NALF1: variants seen among roughly 807,000 people sequenced by gnomAD.
NALF1 encodes the protein NALCN channel auxiliary factor 1.
In NALF1, 3 loss-of-function variants were observed where a neutral mutation model predicts 48.4. That is an observed-to-expected ratio of 0.06 (90% CI 0.03 to 0.16). The LOEUF (loss-of-function observed/expected upper bound fraction) is 0.16. Among genes scored for constraint, NALF1 ranks in the 10% least tolerant of loss-of-function variants. The pLI is 1.00. For synonymous variants in NALF1, 262 were observed against 245.7 expected (o/e 1.07, Z -0.62); for missense variants, 526 against 571.5 (o/e 0.92, Z 0.81).
chr13:107,577,572 A>G (rs1216304017), intron 1 of NALF1, among the ~76,000 whole-genome samples: 1 of 152,234 alleles, frequency 6.6e-6, no homozygotes, highest in Non-Finnish European at 1.5e-5. Flanking sequence ...AGCGATCTAC[A>G]TATTAACCCT....
chr13:107,229,787 T>A (rs973816650), intron 1 of NALF1, among the ~76,000 whole-genome samples: 1 of 152,224 alleles, frequency 6.6e-6, no homozygotes, highest in African/African-American at 2.4e-5. Flanking sequence ...AATTAAAGTC[T>A]CCCTGGGCTC....
intron 1 of NALF1, among the ~76,000 whole-genome samples, chr13:107,628,061 GATCAGAC>G (rs1879727519): frequency 6.6e-6 from 1 of 152,096 alleles, no homozygotes; most frequent in Non-Finnish European, 1.5e-5. Context: ...TGATCACACA[GATCAGAC>G]ATTCTCTGTC....
chr13:107,810,086 A>G (rs1233349815), intron 1 of NALF1, among the ~76,000 whole-genome samples: 1 of 152,046 alleles, frequency 6.6e-6, no homozygotes, highest in Non-Finnish European at 1.5e-5. Flanking sequence ...CTAGAAAGAA[A>G]TTTACATTTT....
chr13:107,568,906 T>C (rs1409235134), intron 1 of NALF1, among the ~76,000 whole-genome samples: 1 of 152,182 alleles, frequency 6.6e-6, no homozygotes, highest in African/African-American at 2.4e-5. Flanking sequence ...ATAACAGTCT[T>C]TTGCAGAACA....
At chr13:107,254,950 C>A (rs1880783364) in intron 1 of NALF1, among the ~76,000 whole-genome samples, 1 of 152,144 alleles carries the variant, frequency 6.6e-6, no homozygotes, top group African/African-American at 2.4e-5. Context: ...TTTACTTCAT[C>A]TTTCCTTTCA....
chr13:107,722,444 G>A (rs1566457341), intron 1 of NALF1, among the ~76,000 whole-genome samples: 1 of 152,060 alleles, frequency 6.6e-6, no homozygotes, highest in Non-Finnish European at 1.5e-5. Flanking sequence ...TGAAAATGAG[G>A]AGCCTCAGGT....
intron 1 of NALF1, among the ~76,000 whole-genome samples, chr13:107,252,862 T>G (rs114537091): frequency 1.1e-4 from 16 of 152,296 alleles, no homozygotes; most frequent in African/African-American, 3.8e-4. Flanking sequence ...ACAAAGACAG[T>G]GAACATCAGG....
intron 1 of NALF1, among the ~76,000 whole-genome samples, chr13:107,473,036 T>G (rs1885125418): frequency 6.6e-6 from 1 of 152,216 alleles, no homozygotes; most frequent in South Asian, 2.1e-4. Flanking sequence ...TGAAATGCCT[T>G]CATCCTTTCC....
intron 1 of NALF1, among the ~76,000 whole-genome samples, chr13:107,788,080 T>A (rs1345381386): frequency 6.6e-6 from 1 of 152,178 alleles, no homozygotes; most frequent in Non-Finnish European, 1.5e-5. Flanking sequence ...TTTGGGTCAG[T>A]CTGTACTCTG....
At chr13:107,276,161 C>CCCACACTCAG (rs1881276560) in intron 1 of NALF1, among the ~76,000 whole-genome samples, 1 of 152,142 alleles carries the variant, frequency 6.6e-6, no homozygotes, top group Non-Finnish European at 1.5e-5. Flanking sequence ...GTAAGCCCAG[C>CCCACACTCAG]CCACACTCAG....
chr13:107,573,913 T>C (rs891508225), intron 1 of NALF1, among the ~76,000 whole-genome samples: 1 of 152,206 alleles, frequency 6.6e-6, no homozygotes, highest in Non-Finnish European at 1.5e-5. Flanking sequence ...TTAAACCTCT[T>C]TCTTTTATAA....
intron 1 of NALF1, among the ~76,000 whole-genome samples, chr13:107,526,468 G>C (rs1164244882): frequency 6.6e-6 from 1 of 152,012 alleles, no homozygotes; most frequent in East Asian, 1.9e-4. Context: ...TATTTGTGTA[G>C]ATCATTTAAT....
chr13:107,725,047 T>G (rs907944984), intron 1 of NALF1, among the ~76,000 whole-genome samples: 1 of 152,256 alleles, frequency 6.6e-6, no homozygotes, highest in African/African-American at 2.4e-5. Flanking sequence ...ATTTTGTGTT[T>G]GTCTTACTTC....
At chr13:107,333,726 A>G (rs1385828790) in intron 1 of NALF1, among the ~76,000 whole-genome samples, 3 of 152,236 alleles carry the variant, frequency 2.0e-5, no homozygotes, top group African/African-American at 7.2e-5. Flanking sequence ...TTACTAATGT[A>G]TAGTGGCTTC....
chr13:107,514,947 C>A (rs1418238830), intron 1 of NALF1, among the ~76,000 whole-genome samples: 1 of 152,188 alleles, frequency 6.6e-6, no homozygotes, highest in Non-Finnish European at 1.5e-5. Context: ...ATTTATCCTA[C>A]AATTCCTATG....
intron 1 of NALF1, among the ~76,000 whole-genome samples, chr13:107,522,673 G>C (rs527475430): frequency 1.9e-4 from 29 of 151,316 alleles, no homozygotes; most frequent in Non-Finnish European, 1.2e-4. Flanking sequence ...GTGTGATCTC[G>C]ACTCACTGCA....
chr13:107,166,524 G>C lies in NALF1; in HGVS notation c.*3973C>G, dbSNP rs1353593682. ...GTTCTGTGTTGATTTAATGCTTTGAGTAGCAGGAAAATTGTAAATGTCTTT... is the reference window on the plus strand; with the variant it reads ...GTTCTGTGTTGATTTAATGCTTTGACTAGCAGGAAAATTGTAAATGTCTTT... On this transcript the variant is annotated 3_prime_UTR_variant, in exon 3 of 3. Transcript: ENST00000375915. 6.6e-6 allele frequency: 1 copy of C among 152,192 alleles called. No individual in the cohort carries two copies. The highest frequency in any genetic ancestry group is 1.5e-5 in the Non-Finnish European group (1 of 68,040). 9.4% of individuals were successfully genotyped at this position (152,192 alleles called of 1,614,324 possible). A position where few individuals can be genotyped will look rare whatever the true frequency, so the allele number is the denominator to read the frequency against.
intron 2 of NALF1, among the ~76,000 whole-genome samples, chr13:107,192,066 GATTATGTATTGAATGAACA>G (rs1221239255): frequency 6.6e-6 from 1 of 151,782 alleles, no homozygotes; most frequent in Non-Finnish European, 1.5e-5. Flanking sequence ...AGACAGAAAG[GATTATGTATTGAATGAACA>G]ATTAGACATT....
intron 1 of NALF1, among the ~76,000 whole-genome samples, chr13:107,636,962 C>A (rs1039783984): frequency 6.6e-6 from 1 of 151,024 alleles, no homozygotes; most frequent in East Asian, 1.9e-4. Context: ...ACATTAAGAA[C>A]AGTGGTCCCA....
Sources: allele counts gnomAD v4.1 joint callset (sites outside exome capture counted in the v4.1 genomes callset), GRCh38; gene constraint gnomAD v4.1.1; transcripts MANE v1.5; gene names NCBI Gene and HGNC (gene_info 2026-07-23, HGNC 2026-07-21).